Variants in CHST15 observed in about 807,000 individuals in gnomAD.
CHST15 encodes the protein carbohydrate sulfotransferase 15.
Under a neutral mutation model 53.6 loss-of-function variants are expected in CHST15, and 30 were observed. That is an observed-to-expected ratio of 0.56 (90% confidence interval 0.42 to 0.76). The LOEUF (loss-of-function observed/expected upper bound fraction) is 0.76. Among genes scored for constraint, CHST15 ranks in the 30% least tolerant of loss-of-function variants. The pLI is 0.00. For synonymous variants in CHST15, 296 were observed against 289.8 expected, an observed-to-expected ratio of 1.02 and a Z score of -0.22; for missense variants, 627 against 740.5, an observed-to-expected ratio of 0.85 and a Z score of 1.78.
chr10:124,033,858 A>T (rs1947319491), intron 5 of CHST15, among the ~76,000 whole-genome samples: 1 of 152,222 alleles, frequency 6.6e-6, no homozygotes, highest in Non-Finnish European at 1.5e-5. Context: ...AGAGACCTTA[A>T]GTAGAGGACC....
chr10:124,019,953 A>G lies in CHST15; in HGVS notation c.1347+1303T>C. The stretch of plus-strand genomic sequence containing the variant: ...CACGCTGCTCTCAGTTCCCTGGCCA[A>G]CTCTCCTTCAGGCCTCAGCACAGAC... On this transcript the variant is annotated intron_variant, in intron 6 of 7. Transcript: ENST00000435907. The surrounding 1 kb of genome is among the most constrained non-coding windows in gnomAD (Gnocchi z 4.6). The G allele has an allele frequency of 1.0e-6, 1 of 984,984 alleles. No homozygotes were observed. The highest frequency in any genetic ancestry group is 1.2e-6 in the Non-Finnish European group (1 of 829,994). The allele number at this position is 984,984 out of a possible 1,614,324, so 61.0% of individuals were successfully genotyped here.
intron 1 of CHST15, among the ~76,000 whole-genome samples, chr10:124,073,760 T>C (rs1424320704): frequency 6.6e-6 from 1 of 152,180 alleles, no homozygotes; most frequent in Non-Finnish European, 1.5e-5. Flanking sequence ...CCCATTTCCT[T>C]TCAGAGGCGC....
chr10:124,024,758 C>T lies in CHST15; in HGVS notation c.1191-3346G>A, dbSNP rs772121630. Reference sequence around the variant, plus strand: ...GGTCAATAAGTGCCAAAATCAGACACGCGTGAACCTTCAAGCAAGGTTTGG... The same window carrying T: ...GGTCAATAAGTGCCAAAATCAGACATGCGTGAACCTTCAAGCAAGGTTTGG... On this transcript the variant is annotated intron_variant, in intron 5 of 7. Coordinates refer to ENST00000435907, the MANE Select transcript of CHST15 (RefSeq NM_001270764.2). This position sits in a 1 kb window ranked among gnomAD's most constrained non-coding sequence, Gnocchi z 4.0. Among the ~76,000 whole-genome samples, 21 of 152,182 alleles carry T rather than the reference C, an allele frequency of 1.4e-4. No individual in the cohort carries two copies. Among genetic ancestry groups the T allele is most frequent in the Non-Finnish European group, 1.0e-4 (7 of 68,028 alleles).
intron 3 of CHST15, among the ~76,000 whole-genome samples, chr10:124,044,258 C>T (rs1947870363): frequency 6.6e-6 from 1 of 152,050 alleles, no homozygotes; most frequent in African/African-American, 2.4e-5. Flanking sequence ...GCCCGGATCA[C>T]GCCCTTCTTG....
chr10:124,061,667 A>G (rs1395028770), intron 1 of CHST15, among the ~76,000 whole-genome samples: 1 of 152,242 alleles, frequency 6.6e-6, no homozygotes, highest in African/African-American at 2.4e-5. Context: ...AACTACAAAG[A>G]TAATAAAGAA....
intron 1 of CHST15, among the ~76,000 whole-genome samples, chr10:124,050,233 G>A (rs187743880): frequency 7.2e-5 from 11 of 152,272 alleles, no homozygotes; most frequent in East Asian, 3.9e-4. Context: ...CCTGACGGGC[G>A]CGAGTGGTGC....
At position 124,074,266 on chromosome 10, in the gene CHST15, T is replaced by G. The variant is rs1949009644; in HGVS notation, c.-513+19203A>C. Among the ~76,000 whole-genome samples the G allele has an allele frequency of 6.6e-6, 1 of 152,288 alleles. No individual in the cohort carries two copies. The highest frequency in any genetic ancestry group is 2.1e-4 in the South Asian group (1 of 4,820). ...CTTGCACTGATGCCATTAGACAGTTTCTACTTGGCAAGTTGCTTCAAGAAT... is the reference window on the plus strand; with the variant it reads ...CTTGCACTGATGCCATTAGACAGTTGCTACTTGGCAAGTTGCTTCAAGAAT... On this transcript the variant is annotated intron_variant, in intron 1 of 7. Coordinates refer to ENST00000435907, the MANE Select transcript of CHST15 (RefSeq NM_001270764.2). This position sits in a 1 kb window ranked among gnomAD's most constrained non-coding sequence, Gnocchi z 4.4.
chr10:124,019,915 C>A lies in CHST15; in HGVS notation c.1347+1341G>T. On this transcript the variant is annotated intron_variant, in intron 6 of 7. Transcript: ENST00000435907. This position sits in a 1 kb window ranked among gnomAD's most constrained non-coding sequence, Gnocchi z 4.6. Reference sequence around the variant, plus strand: ...TCTGTATGGTAGGTGGTGCTGACCACTGGGCCTCTGCACACGCTGCTCTCA... The same window carrying A: ...TCTGTATGGTAGGTGGTGCTGACCAATGGGCCTCTGCACACGCTGCTCTCA... The A allele has an allele frequency of 1.0e-6, 1 of 986,012 alleles. No individual in the cohort carries two copies. Among genetic ancestry groups the A allele is most frequent in the Non-Finnish European group, 1.2e-6 (1 of 830,368 alleles). 61.1% of individuals were successfully genotyped at this position (986,012 alleles called of 1,614,324 possible).
intron 1 of CHST15, among the ~76,000 whole-genome samples, chr10:124,071,476 A>G (rs1377027919): frequency 6.6e-6 from 1 of 152,258 alleles, no homozygotes; most frequent in African/African-American, 2.4e-5. Flanking sequence ...TCAGAGCAGC[A>G]CTGCCCAACA....
intron 1 of CHST15, among the ~76,000 whole-genome samples, chr10:124,059,864 G>A (rs1948502681): frequency 1.3e-5 from 2 of 152,126 alleles, no homozygotes; most frequent in African/African-American, 4.8e-5. Flanking sequence ...ACCCTTCATT[G>A]GAATTTATTT....
chr10:124,049,134 T>C (rs1276252898), intron 1 of CHST15, among the ~76,000 whole-genome samples: 1 of 152,268 alleles, frequency 6.6e-6, no homozygotes, highest in Non-Finnish European at 1.5e-5. Context: ...TTCATTCATT[T>C]GTTCAACAAA....
chr10:124,066,901 A>C (rs546410736), intron 1 of CHST15, among the ~76,000 whole-genome samples: 24 of 152,362 alleles, frequency 1.6e-4, no homozygotes, highest in African/African-American at 5.8e-4. Flanking sequence ...TGGTGACAGC[A>C]CATGCCTTGG....
chr10:124,039,636 G>T (rs1220569158), intron 4 of CHST15, among the ~76,000 whole-genome samples: 1 of 152,232 alleles, frequency 6.6e-6, no homozygotes, highest in East Asian at 1.9e-4. Context: ...ACGAGTGAAG[G>T]ATGTAAATGG....
intron 5 of CHST15, among the ~76,000 whole-genome samples, chr10:124,029,893 C>T (rs1389137268): frequency 6.6e-6 from 1 of 152,200 alleles, no homozygotes; most frequent in Non-Finnish European, 1.5e-5. Flanking sequence ...TTTCTAAGTG[C>T]CCTCCCTGAT....
chr10:124,048,761 A>G (rs572962190), intron 1 of CHST15, among the ~76,000 whole-genome samples: 1 of 152,316 alleles, frequency 6.6e-6, no homozygotes, highest in African/African-American at 2.4e-5. Flanking sequence ...GCTGCAGAAA[A>G]TCGAATTAGA....
At chr10:124,062,964 TA>T (rs1220101514) in intron 1 of CHST15, among the ~76,000 whole-genome samples, 1 of 152,124 alleles carries the variant, frequency 6.6e-6, no homozygotes, top group Non-Finnish European at 1.5e-5. Context: ...AATGTCTGAA[TA>T]AAACTGCTTT....
intron 5 of CHST15, among the ~76,000 whole-genome samples, chr10:124,038,130 G>A (rs529717894): frequency 6.9e-6 from 1 of 144,860 alleles, no homozygotes; most frequent in South Asian, 2.3e-4. Flanking sequence ...TTTTTGAGAT[G>A]GAGTCTCACT....
chr10:124,034,847 CCCCTAACAGGGACCCTGGCTCTACT>C (rs1317414784), intron 5 of CHST15, among the ~76,000 whole-genome samples: 3 of 143,632 alleles, frequency 2.1e-5, no homozygotes, highest in Admixed American at 6.8e-5. Flanking sequence ...CCTGGTTCTA[CCCCTAACAGGGACCCTGGCTCTACT>C]CCCTAACAGG....
chr10:124,044,528 TGAACGAATG>T lies in CHST15; in HGVS notation c.886+43_886+51del, dbSNP rs896544760. 495 of 1,389,676 alleles carry T rather than the reference TGAACGAATG, an allele frequency of 3.6e-4. 1 individual carries two copies. The highest frequency in any genetic ancestry group is 3.3e-5 in the Non-Finnish European group (35 of 1,054,222). The allele number at this position is 1,389,676 out of a possible 1,614,324, so 86.1% of individuals were successfully genotyped here. ...CCCAGCGCTAACGTTGCGGGAGGAA[TGAACGAATG>T]AAGGAACGAGACCAGACAGGAGCCC... On this transcript the variant is annotated intron_variant, in intron 3 of 7. Coordinates refer to ENST00000435907, the MANE Select transcript of CHST15 (RefSeq NM_001270764.2).
Sources: allele counts gnomAD v4.1 joint callset (sites outside exome capture counted in the v4.1 genomes callset), GRCh38; gene constraint gnomAD v4.1.1; non-coding constraint Gnocchi (gnomAD v3.1); transcripts MANE v1.5; gene names NCBI Gene and HGNC (gene_info 2026-07-23, HGNC 2026-07-21).